Variants in GRID2 observed in about 807,000 individuals in gnomAD.
GRID2 encodes the protein glutamate ionotropic receptor delta type subunit 2.
In GRID2, 33 loss-of-function variants were observed where a neutral mutation model predicts 114.8. The ratio of observed to expected loss-of-function variants is 0.29; its 90% confidence interval spans 0.22 to 0.38. The LOEUF (loss-of-function observed/expected upper bound fraction) is 0.38, where lower values mean the gene tolerates loss of function less well. Among genes scored for constraint, GRID2 ranks in the 10% least tolerant of loss-of-function variants. The pLI, the probability that GRID2 is intolerant of heterozygous loss-of-function variation, is 1.00. For synonymous variants in GRID2, 505 were observed against 449.9 expected (o/e 1.12, Z -1.55); for missense variants, 1,184 against 1,257.7 (o/e 0.94, Z 0.89).
At chr4:93,303,948 C>T (rs1298146542) in intron 8 of GRID2, among the ~76,000 whole-genome samples, 1 of 151,958 alleles carries the variant, frequency 6.6e-6, no homozygotes, top group African/African-American at 2.4e-5. Flanking sequence ...AAAAATAATA[C>T]TTCTCTGAGT....
intron 2 of GRID2, among the ~76,000 whole-genome samples, chr4:92,935,615 G>A (rs199633217): frequency 1.4e-5 from 2 of 146,808 alleles, no homozygotes; most frequent in East Asian, 4.3e-4. Flanking sequence ...ATTCACAACA[G>A]CAAAGACTTG....
intron 7 of GRID2, among the ~76,000 whole-genome samples, chr4:93,234,319 C>G (rs1031819811): frequency 6.6e-6 from 1 of 151,900 alleles, no homozygotes; most frequent in African/African-American, 2.4e-5. Context: ...GAGCAATTCT[C>G]TATATATAAT....
intron 13 of GRID2, among the ~76,000 whole-genome samples, chr4:93,598,098 C>T (rs759545565): frequency 2.6e-5 from 4 of 152,178 alleles, no homozygotes; most frequent in Non-Finnish European, 4.4e-5. Context: ...ACATACATGA[C>T]AACTATCCAA....
intron 2 of GRID2, among the ~76,000 whole-genome samples, chr4:92,862,856 T>A (rs1744621308): frequency 6.6e-6 from 1 of 152,100 alleles, no homozygotes; most frequent in Non-Finnish European, 1.5e-5. Context: ...TCCTGAAAGC[T>A]CAGTGCTCTA....
intron 1 of GRID2, among the ~76,000 whole-genome samples, chr4:92,514,596 A>G (rs534637780): frequency 2.6e-5 from 4 of 152,022 alleles, no homozygotes; most frequent in African/African-American, 9.6e-5. Flanking sequence ...TGACTTCACA[A>G]GTTTTCACAA....
chr4:92,634,020 G>C (rs146878135), intron 2 of GRID2, among the ~76,000 whole-genome samples: 2 of 151,636 alleles, frequency 1.3e-5, no homozygotes, highest in African/African-American at 2.4e-5. Context: ...TATAGCAGGG[G>C]TGTCCAATCT....
chr4:92,442,180 G>A lies in GRID2; in HGVS notation c.88+137436G>A, dbSNP rs183705871. 3.7e-3 allele frequency among the ~76,000 whole-genome samples: 547 copies of A among 146,366 alleles called. 7 individuals carry two copies. Among genetic ancestry groups the A allele is most frequent in the African/African-American group, 8.9e-3 (364 of 41,054 alleles). On this transcript the variant is annotated intron_variant, in intron 1 of 15. Transcript: ENST00000282020. Reference sequence around the variant, plus strand: ...CTGTGAGAGTTACCTGAAGCTTGGCGTCCGTGATGGTCTAGGGGGCTTCCG... The same window carrying A: ...CTGTGAGAGTTACCTGAAGCTTGGCATCCGTGATGGTCTAGGGGGCTTCCG...
intron 1 of GRID2, among the ~76,000 whole-genome samples, chr4:92,522,040 T>C (rs1375091220): frequency 6.6e-6 from 1 of 151,694 alleles, no homozygotes; most frequent in Non-Finnish European, 1.5e-5. Context: ...TTGGGGGAAA[T>C]TGAATAAGAT....
Position 92,560,519 on chromosome 4 carries a change from A to G in GRID2, c.89-29612A>G, listed in dbSNP as rs368672470. Among the ~76,000 whole-genome samples, 12 of 152,306 alleles carry G rather than the reference A, an allele frequency of 7.9e-5. No individual in the cohort carries two copies. In the East Asian group the frequency reaches 1.7e-3, roughly 22 times the overall value. ...CATTGAGGATGAACTGCAAAATACT[A>G]AAGTCCCTTATGATAGTGTTTAATC... On this transcript the variant is annotated intron_variant, in intron 1 of 15. Transcript: ENST00000282020.
intron 2 of GRID2, among the ~76,000 whole-genome samples, chr4:93,022,499 G>C (rs1366505925): frequency 6.6e-6 from 1 of 151,886 alleles, no homozygotes; most frequent in Admixed American, 6.6e-5. Context: ...GAATGTTTTA[G>C]ATCATAAATC....
At chr4:92,475,510 T>G (rs1722262757) in intron 1 of GRID2, among the ~76,000 whole-genome samples, 1 of 151,908 alleles carries the variant, frequency 6.6e-6, no homozygotes, top group African/African-American at 2.4e-5. Context: ...CTAGTCTGTC[T>G]GCATTGTTCT....
intron 2 of GRID2, among the ~76,000 whole-genome samples, chr4:92,595,985 T>C (rs1728932288): frequency 6.6e-6 from 1 of 152,176 alleles, no homozygotes; most frequent in African/African-American, 2.4e-5. Context: ...TGCTTTAATA[T>C]GACATTTTTA....
At chr4:93,218,174 T>A (rs1744456307) in intron 6 of GRID2, among the ~76,000 whole-genome samples, 1 of 152,046 alleles carries the variant, frequency 6.6e-6, no homozygotes, top group African/African-American at 2.4e-5. Context: ...TGTAACTTTC[T>A]GTTGCCTACT....
In GRID2 at chr4:92,848,122, T is replaced by G. The variant is rs547895433; in HGVS notation, c.245-236873T>G. Among the ~76,000 whole-genome samples the G allele has an allele frequency of 2.6e-4, 39 of 152,092 alleles. No individual in the cohort carries two copies. In the South Asian group the frequency reaches 8.1e-3, roughly 32 times the overall value. On this transcript the variant is annotated intron_variant, in intron 2 of 15. Transcript: ENST00000282020. Reference sequence around the variant, plus strand: ...GTATGTTACTGTGCATCTCTTCCATTTCCACAGTCATTGATGTAACACAAA... The same window carrying G: ...GTATGTTACTGTGCATCTCTTCCATGTCCACAGTCATTGATGTAACACAAA...
At chr4:92,544,513 C>A (rs1302658545) in intron 1 of GRID2, among the ~76,000 whole-genome samples, 2 of 152,076 alleles carry the variant, frequency 1.3e-5, no homozygotes, top group Non-Finnish European at 2.9e-5. Flanking sequence ...TTGCTCATTT[C>A]TCTTTTATAT....
rs889350601 is a variant in GRID2, at chr4:92,611,094, GTGTGTGTGTATA to G, written c.244+20820_244+20831del. On this transcript the variant is annotated intron_variant, in intron 2 of 15. Transcript: ENST00000282020. ...TATATATATATGTGTGTATATATAT[GTGTGTGTGTATA>G]TGTGTGTGTATGTGTGTGTGTGTGC... Among the ~76,000 whole-genome samples the G allele has an allele frequency of 1.5e-4, 22 of 146,888 alleles. 1 individual carries two copies. Among genetic ancestry groups the G allele is most frequent in the Admixed American group, 2.1e-4 (3 of 14,548 alleles).
At chr4:93,225,167 A>G (rs1453040504) in intron 7 of GRID2, among the ~76,000 whole-genome samples, 2 of 152,230 alleles carry the variant, frequency 1.3e-5, no homozygotes, top group Non-Finnish European at 1.5e-5. Context: ...ATACATGGTA[A>G]GACACTGGAT....
intron 2 of GRID2, among the ~76,000 whole-genome samples, chr4:92,704,316 G>A (rs1444782277): frequency 1.3e-5 from 2 of 152,106 alleles, no homozygotes; most frequent in Non-Finnish European, 2.9e-5. Context: ...TGTATGATCT[G>A]AGATAGATGA....
intron 13 of GRID2, among the ~76,000 whole-genome samples, chr4:93,589,087 C>T (rs959861217): frequency 6.6e-6 from 1 of 151,604 alleles, no homozygotes; most frequent in African/African-American, 2.4e-5. Context: ...TTTTAGGGTA[C>T]ATGGGCACAT....
Sources: gnomAD v4.1 joint callset for allele counts (sites outside exome capture counted in the v4.1 genomes callset) on GRCh38, gnomAD v4.1.1 for gene constraint, MANE v1.5 for transcripts, NCBI Gene and HGNC (gene_info 2026-07-23, HGNC 2026-07-21) for gene names.